Variants in PSMC6 observed in about 807,000 individuals in gnomAD.
PSMC6 encodes 26S proteasome regulatory subunit 10B.
A neutral mutation model predicts 55.9 loss-of-function variants in PSMC6; 3 were observed. The ratio of observed to expected loss-of-function variants is 0.05; its 90% CI spans 0.02 to 0.14. PSMC6 has a LOEUF of 0.14. Ranked by LOEUF, PSMC6 falls within the 10% of genes least tolerant of loss-of-function variation. PSMC6 has a pLI of 1.00. For missense variants in PSMC6, 210 were observed against 478.7 expected, an observed-to-expected ratio of 0.44 and a Z score of 5.24; for synonymous variants, 137 against 155.9, an observed-to-expected ratio of 0.88 and a Z score of 0.90.
At position 52,708,750 on chromosome 14, in the gene PSMC6, G is replaced by A. The variant is rs775508131; in HGVS notation, c.206-14G>A. 1 of 1,611,732 alleles carries A rather than the reference G, an allele frequency of 6.2e-7. No homozygotes were observed. Among genetic ancestry groups the A allele is most frequent in the Non-Finnish European group, 8.5e-7 (1 of 1,179,474 alleles). On this transcript the variant is annotated splice_polypyrimidine_tract_variant and intron_variant, in intron 3 of 13. Coordinates refer to ENST00000445930, the MANE Select transcript of PSMC6 (RefSeq NM_002806.5). ...TCTATTTTTCAATTAGTTCTTTTAT[G>A]TTTTTTCTTCTAGTCATTGTTAAAG...
intron 12 of PSMC6, chr14:52,723,700 A>G (rs1270415668): frequency 1.7e-6 from 1 of 597,244 alleles, no homozygotes; most frequent in Non-Finnish European, 2.5e-6. Context: ...TAGCTATTTC[A>G]CTGTATAAAA....
intron 10 of PSMC6, among the ~76,000 whole-genome samples, chr14:52,720,397 A>AAAAAG (rs2041878344): frequency 6.8e-6 from 1 of 147,900 alleles, no homozygotes; most frequent in Non-Finnish European, 1.5e-5. Context: ...AAAAAAAAAA[A>AAAAAG]TTATCAGTTT....
At chr14:52,727,333 G>A (rs1238296072) in intron 13 of PSMC6, among the ~76,000 whole-genome samples, 166 bp from the exon 14 acceptor site, 1 of 152,052 alleles carries the variant, frequency 6.6e-6, no homozygotes, top group Non-Finnish European at 1.5e-5. Flanking sequence ...CCGGCCTGTG[G>A]ATTTTAATTG....
At position 52,708,193 on chromosome 14, in the gene PSMC6, G is replaced by A; in HGVS notation, c.86-116G>A. ...ATTTCTTTTATGGTTTGAAACAGTG[G>A]ATGTGAAACTTAGGTAAAGTGAAGT... On this transcript the variant is annotated intron_variant, in intron 1 of 13. Transcript: ENST00000445930. 6 of 809,784 alleles carry A rather than the reference G, an allele frequency of 7.4e-6. No individual in the cohort carries two copies. In the South Asian group the frequency reaches 8.0e-5, roughly 11 times the overall value. The allele number at this position is 809,784 out of a possible 1,614,324, so 50.2% of individuals were successfully genotyped here. A position where few individuals can be genotyped will look rare whatever the true frequency, so the allele number is the denominator to read the frequency against.
rs965224698 is a variant in PSMC6, at chr14:52,728,334, C to T, written c.*717C>T. The T allele has an allele frequency of 3.9e-5, 6 of 152,122 alleles. No homozygotes were observed. The highest frequency in any genetic ancestry group is 2.1e-4 in the South Asian group (1 of 4,828). The allele number at this position is 152,122 out of a possible 1,614,324, so 9.4% of individuals were successfully genotyped here. A position where few individuals can be genotyped will look rare whatever the true frequency, so the allele number is the denominator to read the frequency against. ...CTGGGTTTTCTTGGTTTATGTAAGA[C>T]GATAGGTCCCTGTTGAGGATGTGGA... On this transcript the variant is annotated 3_prime_UTR_variant, in exon 14 of 14. Transcript: ENST00000445930.
At chr14:52,718,052 CT>C in intron 7 of PSMC6, 28 bp from the exon 8 acceptor site, 1 of 1,606,922 alleles carries the variant, frequency 6.2e-7, no homozygotes, top group Non-Finnish European at 8.5e-7. Flanking sequence ...ACCTTACCAT[CT>C]AATTAAGACT....
intron 6 of PSMC6, among the ~76,000 whole-genome samples, chr14:52,713,049 A>G (rs2041791786): frequency 1.3e-5 from 2 of 152,086 alleles, no homozygotes; most frequent in Admixed American, 1.3e-4. Flanking sequence ...CTGCCAATAC[A>G]GTGAAACCCC....
At chr14:52,720,809 A>T (rs1029289920) in intron 10 of PSMC6, 52 bp from the exon 11 acceptor site, 3 of 1,443,494 alleles carry the variant, frequency 2.1e-6, no homozygotes, top group Non-Finnish European at 2.9e-6. Flanking sequence ...GGTGTGTGCT[A>T]TTTTTTTTAA....
intron 1 of PSMC6, 89 bp downstream of exon 1, chr14:52,707,393 C>A: frequency 6.4e-7 from 1 of 1,550,850 alleles, no homozygotes; most frequent in Non-Finnish European, 8.8e-7. Context: ...GCCCGGCAAC[C>A]GAGCCTTAGA....
intron 5 of PSMC6, 80 bp downstream of exon 5, chr14:52,711,248 C>A: frequency 7.1e-7 from 1 of 1,401,268 alleles, no homozygotes. Flanking sequence ...TTCTTGAGAT[C>A]ACTGAATATT....
At chr14:52,708,947 TAGCTAGTTATTAACAAAG>T in intron 4 of PSMC6, 131 bp downstream of exon 4, 10 of 1,318,738 alleles carry the variant, frequency 7.6e-6, no homozygotes, top group Non-Finnish European at 1.0e-5. Context: ...TGTTCAGACA[TAGCTAGTTATTAACAAAG>T]CCTGAATTCA....
intron 7 of PSMC6, among the ~76,000 whole-genome samples, chr14:52,714,865 CAAAAAAAAA>C (rs373579933): frequency 4.5e-5 from 3 of 67,104 alleles, no homozygotes; most frequent in African/African-American, 1.8e-4. Flanking sequence ...GACTCCTTCT[CAAAAAAAAA>C]AAAAAAAAAA....
intron 7 of PSMC6, among the ~76,000 whole-genome samples, chr14:52,714,813 C>A (rs528040649): frequency 1.4e-5 from 2 of 147,822 alleles, no homozygotes; most frequent in South Asian, 4.3e-4. Flanking sequence ...TTGCAGTGAG[C>A]CGAGATTGCC....
chr14:52,718,554 C>T (rs2041855467), intron 9 of PSMC6: 3 of 517,190 alleles, frequency 5.8e-6, no homozygotes, highest in Non-Finnish European at 1.0e-5. Flanking sequence ...TTTGAGAGGC[C>T]AAGGTGGGCA....
At chr14:52,709,130 T>C (rs2041736749) in intron 4 of PSMC6, 1 of 228,078 alleles carries the variant, frequency 4.4e-6, no homozygotes, top group African/African-American at 2.3e-5. Flanking sequence ...TTAAAAGTGT[T>C]AGATATCATC....
At chr14:52,711,389 A>G in intron 5 of PSMC6, 21 bp from the exon 6 acceptor site, 1 of 1,559,322 alleles carries the variant, frequency 6.4e-7, no homozygotes, top group South Asian at 1.1e-5. Context: ...CAAAAGAAAA[A>G]TACATACCTT....
In PSMC6 at chr14:52,711,071, G is replaced by T. The variant is rs774381800; in HGVS notation, c.259-30G>T. 1.3e-5 allele frequency: 20 copies of T among 1,530,258 alleles called. No individual in the cohort carries two copies. The East Asian group carries it at 3.5e-4, about 27-fold the overall frequency. The allele number at this position is 1,530,258 out of a possible 1,614,324, so 94.8% of individuals were successfully genotyped here. On this transcript the variant is annotated intron_variant, in intron 4 of 13. Transcript: ENST00000445930. ...GAGTGTTATTCCGTTTTTAAGTGTT[G>T]ATGTAATATCTTTTGTTTTACAAAA...
chr14:52,708,747 T>C lies in PSMC6; in HGVS notation c.206-17T>C. ...CTTTCTATTTTTCAATTAGTTCTTTTATGTTTTTTCTTCTAGTCATTGTTA... is the reference window on the plus strand; with the variant it reads ...CTTTCTATTTTTCAATTAGTTCTTTCATGTTTTTTCTTCTAGTCATTGTTA... On this transcript the variant is annotated splice_polypyrimidine_tract_variant and intron_variant, in intron 3 of 13. Coordinates refer to ENST00000445930, the MANE Select transcript of PSMC6 (RefSeq NM_002806.5). 6.2e-7 allele frequency: 1 copy of C among 1,611,538 alleles called. No homozygotes were observed. The highest frequency in any genetic ancestry group is 8.5e-7 in the Non-Finnish European group (1 of 1,179,436).
Position 52,708,575 on chromosome 14 carries a change from C to A in PSMC6, c.205+53C>A, listed in dbSNP as rs756415438. 1.9e-6 allele frequency: 3 copies of A among 1,574,044 alleles called. No homozygotes were observed. In the Admixed American group the frequency reaches 5.1e-5, roughly 27 times the overall value. Reference sequence around the variant, plus strand: ...GTAAAGAAACAGTCCACCTCTCTCTCACTTTTGAAATGCTTATTATTTTAA... The same window carrying A: ...GTAAAGAAACAGTCCACCTCTCTCTAACTTTTGAAATGCTTATTATTTTAA... On this transcript the variant is annotated intron_variant, in intron 3 of 13. Coordinates refer to ENST00000445930, the MANE Select transcript of PSMC6 (RefSeq NM_002806.5).
Sources: gnomAD v4.1 joint callset for allele counts (sites outside exome capture counted in the v4.1 genomes callset) on GRCh38, gnomAD v4.1.1 for gene constraint, MANE v1.5 for transcripts, NCBI Gene and HGNC (gene_info 2026-07-23, HGNC 2026-07-21) for gene names.